The following EYS variants were observed in gnomAD, a reference collection of about 807,000 sequenced individuals.
The protein encoded by EYS is protein eyes shut homolog.
In EYS, 250 loss-of-function variants were observed where a neutral mutation model predicts 282.1. The ratio of observed to expected loss-of-function variants is 0.89; its 90% CI spans 0.80 to 0.98. The LOEUF is 0.98. Ranked by LOEUF, EYS falls within the 50% of genes least tolerant of loss-of-function variation. The pLI, the probability that EYS is intolerant of heterozygous loss-of-function variation, is 0.00. For missense variants in EYS, 4,016 were observed against 3,709.0 expected (o/e 1.08, Z -2.15); for synonymous variants, 1,355 against 1,282.9 (o/e 1.06, Z -1.20).
At chr6:64,891,365 T>G (rs1767287586) in intron 18 of EYS, among the ~76,000 whole-genome samples, 1 of 152,088 alleles carries the variant, frequency 6.6e-6, no homozygotes, top group African/African-American at 2.4e-5. Flanking sequence ...TGTTTTTATT[T>G]TCTCTTCCTC....
At chr6:65,182,957 T>G (rs1765428551) in intron 12 of EYS, among the ~76,000 whole-genome samples, 1 of 151,742 alleles carries the variant, frequency 6.6e-6, no homozygotes, top group Middle Eastern at 3.4e-3. Context: ...CCTGGCTGAT[T>G]TTTTGTATTT....
rs142304867 is a variant in EYS at position 65,346,716 on chromosome 6, C to G, written c.1460-2539G>C. Among the ~76,000 whole-genome samples the G allele has an allele frequency of 8.4e-4, 128 of 151,828 alleles. 4 individuals are homozygous for G. The East Asian group carries it at 0.022, about 26-fold the overall frequency. ...GAAACTACCTAAAAATGGAAAGACCCATGCTTCCAAATAGAAGAGTTTAAC... is the reference window on the plus strand; with the variant it reads ...GAAACTACCTAAAAATGGAAAGACCGATGCTTCCAAATAGAAGAGTTTAAC... On this transcript the variant is annotated intron_variant, in intron 9 of 42. Transcript: ENST00000503581.
At chr6:64,323,468 C>T (rs187459022) in intron 29 of EYS, among the ~76,000 whole-genome samples, 4 of 152,034 alleles carry the variant, frequency 2.6e-5, no homozygotes, top group Admixed American at 2.6e-4. Flanking sequence ...GTGAATACTC[C>T]TGCTATGATG....
chr6:65,143,201 A>G (rs968487971), intron 12 of EYS, among the ~76,000 whole-genome samples: 4 of 152,022 alleles, frequency 2.6e-5, no homozygotes, highest in East Asian at 1.9e-4. Flanking sequence ...GTAAAACTTT[A>G]TGACTTATTA....
rs367770789 is a variant in EYS, at chr6:64,722,887, G to A, written c.3443+90491C>T. 7.2e-4 allele frequency among the ~76,000 whole-genome samples: 109 copies of A among 151,992 alleles called. No homozygotes were observed. In the South Asian group the frequency reaches 0.017, roughly 24 times the overall value. On this transcript the variant is annotated intron_variant, in intron 22 of 42. Coordinates refer to ENST00000503581, the MANE Select transcript of EYS (RefSeq NM_001142800.2). ...CTTTCAAAAAGTGACTGTGTTATTC[G>A]CCTGATGTTATGCTAGGCTTCCGTA...
At chr6:64,259,855 CA>C (rs34082846) in intron 30 of EYS, among the ~76,000 whole-genome samples, 104,077 of 151,448 alleles carry the variant, frequency 0.69, 35,767 homozygotes, top group South Asian at 0.71. Context: ...TTATCAAAAA[CA>C]AAACTTATTT....
At chr6:65,373,897 T>C (rs1253078885) in intron 8 of EYS, among the ~76,000 whole-genome samples, 2 of 152,206 alleles carry the variant, frequency 1.3e-5, no homozygotes, top group African/African-American at 4.8e-5. Flanking sequence ...GAACTGCCAT[T>C]CAGTGGACTT....
At chr6:64,988,464 A>G (rs9363305) in intron 14 of EYS, among the ~76,000 whole-genome samples, 64,256 of 151,278 alleles carry the variant, frequency 0.42, 15,513 homozygotes, top group African/African-American at 0.66. Flanking sequence ...TACTCTATGA[A>G]AAAATCTAAA....
At chr6:64,734,685 C>G (rs1772125292) in intron 22 of EYS, among the ~76,000 whole-genome samples, 1 of 152,164 alleles carries the variant, frequency 6.6e-6, no homozygotes. Context: ...CCTAAAACTA[C>G]ACTAGAAAGT....
intron 35 of EYS, among the ~76,000 whole-genome samples, chr6:63,930,632 A>G (rs1184221184): frequency 6.6e-6 from 1 of 152,194 alleles, no homozygotes; most frequent in Admixed American, 6.5e-5. Flanking sequence ...ACTTATAAAG[A>G]AGAATTTTTA....
At chr6:64,693,382 A>G (rs1225163881) in intron 22 of EYS, among the ~76,000 whole-genome samples, 1 of 152,098 alleles carries the variant, frequency 6.6e-6, no homozygotes, top group Non-Finnish European at 1.5e-5. Context: ...CACATTTGCT[A>G]ATTTTATGAT....
Position 63,789,078 on chromosome 6 carries a change from A to G in EYS, c.7558T>C (p.Phe2520Leu), listed in dbSNP as rs527486914. The G allele has an allele frequency of 2.5e-4, 389 of 1,551,544 alleles. 4 individuals carry two copies. The South Asian group carries it at 4.4e-3, about 18-fold the overall frequency. ...GVHTVHLGKF[F>L]QEGWLKVDDH... The stretch of plus-strand genomic sequence containing the variant: ...TTTACCTTCAGCCAGCCCTCTTGGA[A>G]GAACTTGCCCAGATGAACAGTGTGG... The change falls in exon 38 of 43, where the codon TTC becomes CTC. Residue 2520 changes from phenylalanine (F) to leucine (L), a missense_variant. Transcript: ENST00000503581.
At chr6:65,571,320 A>G (rs1040895403) in intron 2 of EYS, among the ~76,000 whole-genome samples, 4 of 152,042 alleles carry the variant, frequency 2.6e-5, no homozygotes, top group Non-Finnish European at 5.9e-5. Context: ...GGTGACCATG[A>G]AAACCAAGGT....
intron 36 of EYS, among the ~76,000 whole-genome samples, chr6:63,832,270 A>C (rs1351755841): frequency 6.6e-6 from 1 of 152,182 alleles, no homozygotes; most frequent in Admixed American, 6.5e-5. Flanking sequence ...AAATCAATGA[A>C]TCCAGGAGCT....
chr6:65,119,933 C>T (rs910676631), intron 12 of EYS, among the ~76,000 whole-genome samples: 18 of 151,280 alleles, frequency 1.2e-4, no homozygotes, highest in Non-Finnish European at 2.2e-4. Flanking sequence ...GTCAGGAGAT[C>T]GAGACCATCC....
intron 31 of EYS, among the ~76,000 whole-genome samples, chr6:64,215,973 G>A (rs76316863): frequency 0.015 from 2,333 of 152,220 alleles, 57 homozygotes; most frequent in African/African-American, 0.053. Flanking sequence ...GAACATTGGC[G>A]GGCATGGGAC....
chr6:64,670,443 AAATG>A (rs1554191289), intron 22 of EYS, among the ~76,000 whole-genome samples: 3 of 132,930 alleles, frequency 2.3e-5, no homozygotes, highest in African/African-American at 6.0e-5. Context: ...ATAAATAAAT[AAATG>A]AAAAAAAAAC....
At chr6:65,679,795 T>C (rs1275505471) in intron 1 of EYS, among the ~76,000 whole-genome samples, 5 of 151,968 alleles carry the variant, frequency 3.3e-5, no homozygotes, top group Admixed American at 3.3e-4. Flanking sequence ...CTGAAATATT[T>C]ATGAATTATT....
intron 19 of EYS, among the ~76,000 whole-genome samples, chr6:64,855,423 T>A (rs1766027072): frequency 6.6e-6 from 1 of 152,184 alleles, no homozygotes; most frequent in South Asian, 2.1e-4. Context: ...TTCGCTTTTA[T>A]TCCAAAAGAA....
Sources: gnomAD v4.1 joint callset for allele counts (sites outside exome capture counted in the v4.1 genomes callset) on GRCh38, gnomAD v4.1.1 for gene constraint, MANE v1.5 for transcripts, NCBI Gene and HGNC (gene_info 2026-07-23, HGNC 2026-07-21) for gene names.